Variants in PRKAG3 observed in about 807,000 individuals in gnomAD.
The protein encoded by PRKAG3 is protein kinase AMP-activated non-catalytic subunit gamma 3, also known as 5'-AMP-activated protein kinase subunit gamma-3.
A neutral mutation model predicts 56.5 loss-of-function variants in PRKAG3; 39 were observed. The observed-to-expected ratio is 0.69, with a 90% CI of 0.53 to 0.90. PRKAG3 has a LOEUF of 0.90. Among genes scored for constraint, PRKAG3 ranks in the 40% least tolerant of loss-of-function variants. PRKAG3 has a pLI of 0.00. For synonymous variants in PRKAG3, 243 were observed against 250.1 expected (o/e 0.97, Z 0.27); for missense variants, 628 against 627.5 (o/e 1.00, Z -0.01).
At chr2:218,825,232 C>T (rs1024265800) in intron 10 of PRKAG3, among the ~76,000 whole-genome samples, 4 of 150,544 alleles carry the variant, frequency 2.7e-5, no homozygotes, top group Non-Finnish European at 2.9e-5. Context: ...GCTATTTGGG[C>T]GGCTGAGGCA....
chr2:218,830,022 T>C (rs1943995222), exon 4 of PRKAG3: 9 of 1,613,918 alleles, frequency 5.6e-6, no homozygotes, highest in East Asian at 2.2e-5. Flanking sequence ...CTAGTTGCCA[T>C]GGCATCGTAG....
exon 13 of PRKAG3, chr2:218,823,467 C>G (rs1559396216): frequency 1.1e-5 from 5 of 445,516 alleles, no homozygotes; most frequent in Non-Finnish European, 2.1e-5. Flanking sequence ...CTAGGACAGT[C>G]TCCATGACCT....
intron 4 of PRKAG3, 146 bp from the exon 5 acceptor site, chr2:218,828,746 C>CGACA: frequency 1.6e-6 from 1 of 611,024 alleles, no homozygotes. Context: ...CTGGACCCTC[C>CGACA]TCTACACCAG....
rs758514931 is a variant in PRKAG3, at chr2:218,827,669, C to G, written c.821-40G>C. Reference sequence around the variant, plus strand: ...AGAGTCAGGCCAGGGGAGCCGGTCACCTGCCTCACCTTGCAGTCCCAGGCA... The same window carrying G: ...AGAGTCAGGCCAGGGGAGCCGGTCAGCTGCCTCACCTTGCAGTCCCAGGCA... On this transcript the variant is annotated intron_variant, in intron 7 of 12. Transcript: ENST00000529249. The surrounding 1 kb of genome is among the most constrained non-coding windows in gnomAD (Gnocchi z 5.3). The G allele has an allele frequency of 3.7e-6, 6 of 1,605,780 alleles. No individual in the cohort carries two copies. The highest frequency in any genetic ancestry group is 2.2e-5 in the East Asian group (1 of 44,836).
At position 218,830,043 on chromosome 2, in the gene PRKAG3, C is replaced by T. The variant is rs1357814043; in HGVS notation, c.568G>A (p.Glu190Lys). The T allele has an allele frequency of 1.2e-6, 2 of 1,613,968 alleles. No individual in the cohort carries two copies. The highest frequency in any genetic ancestry group is 4.5e-5 in the East Asian group (2 of 44,898). The change falls in exon 4 of 13, where the codon GAG becomes AAG. Residue 190 changes from glutamate to lysine, a missense_variant. Coordinates refer to ENST00000529249, the Ensembl canonical transcript of PRKAG3. ...GCCATGGCATCGTAGCAGGTGTGCT[C>T]CTGCATGAAGCGCATGTAGATCTGG...
chr2:218,827,226 C>G lies in PRKAG3; in HGVS notation c.1002+21G>C. ...CACCTGCCCAGGTCTCCCCCTTCCT[C>G]CCACCTGGGCCCAGGCTTACAAAGA... On this transcript the variant is annotated intron_variant, in intron 9 of 12. Coordinates refer to ENST00000529249, the Ensembl canonical transcript of PRKAG3. The surrounding 1 kb of genome is among the most constrained non-coding windows in gnomAD (Gnocchi z 5.3). 6.2e-7 allele frequency: 1 copy of G among 1,614,170 alleles called. No individual in the cohort carries two copies. Among genetic ancestry groups the G allele is most frequent in the Non-Finnish European group, 8.5e-7 (1 of 1,180,028 alleles).
intron 2 of PRKAG3, among the ~76,000 whole-genome samples, 163 bp from the exon 3 acceptor site, chr2:218,831,064 C>T (rs1944012484): frequency 6.6e-6 from 1 of 152,212 alleles, no homozygotes; most frequent in Non-Finnish European, 1.5e-5. Flanking sequence ...GCATTATTAT[C>T]ATCCCTATTT....
intron 3 of PRKAG3, 57 bp downstream of exon 3, chr2:218,830,689 C>T (rs1944008203): frequency 1.3e-6 from 2 of 1,583,200 alleles, no homozygotes; most frequent in Admixed American, 1.7e-5. Flanking sequence ...ACCCAGGCTC[C>T]TCTGGGATTT....
At chr2:218,824,467 C>T (rs1943902306) in intron 11 of PRKAG3, 72 bp downstream of exon 11, 1 of 1,607,562 alleles carries the variant, frequency 6.2e-7, no homozygotes, top group African/African-American at 1.3e-5. Flanking sequence ...TCCCCCTGGT[C>T]CACAGAGGCC....
chr2:218,824,170 G>T, intron 12 of PRKAG3, 52 bp downstream of exon 12: 1 of 1,613,590 alleles, frequency 6.2e-7, no homozygotes, highest in Non-Finnish European at 8.5e-7. Flanking sequence ...AGCCGTGCAT[G>T]AGAAGGACTG....
In PRKAG3 at chr2:218,827,850, T is replaced by A; in HGVS notation, c.803A>T (p.Lys268Met). The A allele has an allele frequency of 6.2e-7, 1 of 1,614,012 alleles. No individual in the cohort carries two copies. The highest frequency in any genetic ancestry group is 8.5e-7 in the Non-Finnish European group (1 of 1,179,970). Residue 268 changes from lysine (K) to methionine (M), a missense_variant, in exon 7 of 13, where the codon AAG (lysine) becomes ATG (methionine). By Grantham distance (95) the Lys-to-Met change is moderately conservative (BLOSUM62 -1). Coordinates refer to ENST00000529249, the Ensembl canonical transcript of PRKAG3. This position sits in a 1 kb window ranked among gnomAD's most constrained non-coding sequence, Gnocchi z 5.3. The stretch of plus-strand genomic sequence containing the variant: ...CCACTCACCCCTCCAGGTCTCAATC[T>A]TATGTTGTTCAATCTCATAGATCTG...
Position 218,830,470 on chromosome 2 carries a change from T to C in PRKAG3, c.230-89A>G, listed in dbSNP as rs1944004372. ...GTCGCCATTCATCTCACAGCAGCAG[T>C]GGGAAGCCTGGATGCTGTGGCCCTA... On this transcript the variant is annotated intron_variant, in intron 3 of 12. Transcript: ENST00000529249. 3.4e-6 allele frequency: 5 copies of C among 1,478,294 alleles called. No individual in the cohort carries two copies. The African/African-American group carries it at 4.2e-5, about 12-fold the overall frequency. The allele number at this position is 1,478,294 out of a possible 1,614,324, so 91.6% of individuals were successfully genotyped here. A position where few individuals can be genotyped will look rare whatever the true frequency, so the allele number is the denominator to read the frequency against.
At chr2:218,830,837 T>G (rs1287983630) in exon 3 of PRKAG3, 1 of 1,613,886 alleles carries the variant, frequency 6.2e-7, no homozygotes, top group Non-Finnish European at 8.5e-7. Context: ...GGATTCTTTC[T>G]GAGCTGCTGG....
chr2:218,827,201 C>T lies in PRKAG3; in HGVS notation c.1002+46G>A. The T allele has an allele frequency of 1.9e-6, 3 of 1,613,882 alleles. No homozygotes were observed. The South Asian group carries it at 3.3e-5, about 18-fold the overall frequency. The stretch of plus-strand genomic sequence containing the variant: ...CTGAAGACTCCTCAGGCCCTCTGAT[C>T]ACCTGCCCAGGTCTCCCCCTTCCTC... On this transcript the variant is annotated intron_variant, in intron 9 of 12. Transcript: ENST00000529249. This position sits in a 1 kb window ranked among gnomAD's most constrained non-coding sequence, Gnocchi z 5.3.
chr2:218,828,628 G>A (rs1159062671), intron 4 of PRKAG3, 28 bp from the exon 5 acceptor site: 2 of 1,599,624 alleles, frequency 1.3e-6, no homozygotes, highest in Admixed American at 1.7e-5. Context: ...ACAGTCAAGG[G>A]TGGGTCCCGA....
Position 218,831,323 on chromosome 2 carries a change from G to T in PRKAG3, c.73+13C>A. The T allele has an allele frequency of 1.3e-6, 2 of 1,581,320 alleles. No homozygotes were observed. Among genetic ancestry groups the T allele is most frequent in the Non-Finnish European group, 1.7e-6 (2 of 1,161,344 alleles). On this transcript the variant is annotated intron_variant, in intron 2 of 12. Coordinates refer to ENST00000529249, the Ensembl canonical transcript of PRKAG3. ...GAAGAGGTTAGGCCCCAGGGAGGGG[G>T]CATTCTCCCTACCTTGATGCTCAGA...
chr2:218,831,300 A>G, intron 2 of PRKAG3, 36 bp downstream of exon 2: 2 of 1,515,476 alleles, frequency 1.3e-6, no homozygotes, highest in Non-Finnish European at 1.8e-6. Flanking sequence ...AGGTGGGGGA[A>G]GAGGTTAGGC....
chr2:218,831,068 C>A (rs1163247567), intron 2 of PRKAG3, among the ~76,000 whole-genome samples, 167 bp from the exon 3 acceptor site: 2 of 152,112 alleles, frequency 1.3e-5, no homozygotes, highest in Non-Finnish European at 2.9e-5. Context: ...TATTATCATC[C>A]CTATTTTGCT....
chr2:218,831,246 C>T (rs1316264429), intron 2 of PRKAG3, 90 bp downstream of exon 2: 5 of 1,036,570 alleles, frequency 4.8e-6, no homozygotes, highest in Non-Finnish European at 7.0e-6. Context: ...AGATAAAAGC[C>T]AGGCTGGGAG....
Sources: allele counts gnomAD v4.1 joint callset (sites outside exome capture counted in the v4.1 genomes callset), GRCh38; gene constraint gnomAD v4.1.1; non-coding constraint Gnocchi (gnomAD v3.1); transcripts MANE v1.5; gene names NCBI Gene and HGNC (gene_info 2026-07-23, HGNC 2026-07-21).